The following GPATCH2 variants were observed in gnomAD, a reference collection of about 807,000 sequenced individuals.
GPATCH2 encodes G-patch domain containing 2.
Under a neutral mutation model 58.0 loss-of-function variants are expected in GPATCH2, and 51 were observed. The ratio of observed to expected loss-of-function variants is 0.88; its 90% CI spans 0.70 to 1.11. The LOEUF (loss-of-function observed/expected upper bound fraction) is 1.11, where lower values mean the gene tolerates loss of function less well. Ranked by LOEUF, GPATCH2 falls within the 50% of genes most tolerant of loss-of-function variation. The pLI is 0.00. For missense variants in GPATCH2, 625 were observed against 652.2 expected (o/e 0.96, Z 0.45); for synonymous variants, 222 against 218.5 (o/e 1.02, Z -0.14).
intron 6 of GPATCH2, among the ~76,000 whole-genome samples, chr1:217,506,700 T>A (rs1448039220): frequency 6.6e-6 from 1 of 152,204 alleles, no homozygotes; most frequent in Non-Finnish European, 1.5e-5. Context: ...CTACCAGACT[T>A]GGCATCATGT....
intron 3 of GPATCH2, among the ~76,000 whole-genome samples, chr1:217,612,017 A>G (rs564803749): frequency 6.6e-5 from 10 of 151,506 alleles, no homozygotes; most frequent in African/African-American, 2.2e-4. Context: ...CTGTCTCTAC[A>G]AAAAGATTAA....
At chr1:217,493,588 T>C (rs530271503) in intron 7 of GPATCH2, among the ~76,000 whole-genome samples, 1 of 152,288 alleles carries the variant, frequency 6.6e-6, no homozygotes, top group African/African-American at 2.4e-5. Context: ...GCTGAAGCCA[T>C]ATCTCATTAT....
At chr1:217,575,245 CT>C (rs1666751677) in intron 5 of GPATCH2, among the ~76,000 whole-genome samples, 1 of 152,086 alleles carries the variant, frequency 6.6e-6, no homozygotes, top group African/African-American at 2.4e-5. Flanking sequence ...CAAAGTATTG[CT>C]TTATTTTGTT....
At chr1:217,609,208 C>T (rs1352286333) in intron 5 of GPATCH2, 41 of 982,594 alleles carry the variant, frequency 4.2e-5, no homozygotes, top group Non-Finnish European at 5.0e-5. Context: ...ATTACATTTT[C>T]CCCCCAGTTG....
At chr1:217,523,224 G>C (rs1360165027) in intron 5 of GPATCH2, among the ~76,000 whole-genome samples, 2 of 151,398 alleles carry the variant, frequency 1.3e-5, no homozygotes, top group African/African-American at 4.9e-5. Flanking sequence ...CTCCCAGAGG[G>C]GGATTTGGCA....
At position 217,620,132 on chromosome 1, in the gene GPATCH2, G is replaced by C; in HGVS notation, c.424C>G (p.Leu142Val). The C allele has an allele frequency of 1.9e-6, 3 of 1,614,076 alleles. No individual in the cohort carries two copies. The highest frequency in any genetic ancestry group is 2.5e-6 in the Non-Finnish European group (3 of 1,179,972). ...LNNNVRGKRPLWHESDFAVDN... is the reference protein window; with the variant it reads ...LNNNVRGKRPVWHESDFAVDN... ...ACAGCAAAATCAGACTCATGCCATA[G>C]AGGTCTTTTCCCTCGAACATTATTA... The change falls in exon 2 of 10, where the codon CTA (leucine) becomes GTA (valine). Residue 142 changes from leucine (L) to valine (V), a missense_variant. Transcript: ENST00000366935.
chr1:217,572,888 A>G (rs1186214314), intron 5 of GPATCH2, among the ~76,000 whole-genome samples: 1 of 152,232 alleles, frequency 6.6e-6, no homozygotes, highest in Non-Finnish European at 1.5e-5. Flanking sequence ...GTGAAAATAT[A>G]AGAAGAAATC....
chr1:217,529,575 G>A (rs75245744), intron 5 of GPATCH2, among the ~76,000 whole-genome samples: 4,003 of 152,192 alleles, frequency 0.026, 78 homozygotes, highest in East Asian at 0.076. Flanking sequence ...AGACAGTGCG[G>A]TACCCTTGAA....
At chr1:217,454,554 A>T (rs1444119295) in intron 8 of GPATCH2, among the ~76,000 whole-genome samples, 1 of 125,030 alleles carries the variant, frequency 8.0e-6, no homozygotes, top group Non-Finnish European at 1.6e-5. Flanking sequence ...GCGCCACTGC[A>T]CTCCAGCCTG....
chr1:217,432,777 A>G (rs1571689643), intron 9 of GPATCH2, among the ~76,000 whole-genome samples: 1 of 152,220 alleles, frequency 6.6e-6, no homozygotes, highest in East Asian at 1.9e-4. Flanking sequence ...AGTCTATCTT[A>G]AAAGAACCTT....
intron 5 of GPATCH2, among the ~76,000 whole-genome samples, chr1:217,561,147 T>C (rs916978927): frequency 6.6e-6 from 1 of 152,208 alleles, no homozygotes; most frequent in Non-Finnish European, 1.5e-5. Context: ...TATTTACACC[T>C]TCCTGAAATG....
intron 5 of GPATCH2, among the ~76,000 whole-genome samples, chr1:217,586,340 C>T (rs1197226142): frequency 6.6e-6 from 1 of 151,966 alleles, no homozygotes; most frequent in East Asian, 1.9e-4. Context: ...TATTCTTGTT[C>T]TATAAGCTTT....
chr1:217,585,968 A>G (rs991720219), intron 5 of GPATCH2, among the ~76,000 whole-genome samples: 1 of 152,200 alleles, frequency 6.6e-6, no homozygotes, highest in Admixed American at 6.5e-5. Context: ...ACCTAGACAT[A>G]TCTAAATACA....
At chr1:217,494,000 C>G (rs940888963) in intron 7 of GPATCH2, among the ~76,000 whole-genome samples, 1 of 151,896 alleles carries the variant, frequency 6.6e-6, no homozygotes, top group Non-Finnish European at 1.5e-5. Flanking sequence ...TTGAAAAATG[C>G]AATTATAAGG....
chr1:217,452,386 C>T (rs1404286039), intron 8 of GPATCH2, among the ~76,000 whole-genome samples: 1 of 152,064 alleles, frequency 6.6e-6, no homozygotes, highest in South Asian at 2.1e-4. Context: ...AATTATTAGC[C>T]AGGGCACGTT....
At chr1:217,518,559 C>G (rs1340851695) in intron 5 of GPATCH2, among the ~76,000 whole-genome samples, 1 of 152,146 alleles carries the variant, frequency 6.6e-6, no homozygotes, top group Non-Finnish European at 1.5e-5. Flanking sequence ...TCCACAATTA[C>G]ATAACTGAAT....
chr1:217,503,552 A>C (rs1186704427), intron 6 of GPATCH2, among the ~76,000 whole-genome samples: 3 of 152,256 alleles, frequency 2.0e-5, no homozygotes, highest in Non-Finnish European at 4.4e-5. Context: ...TCTAAGAAAA[A>C]GGGGAGTGAA....
intron 8 of GPATCH2, among the ~76,000 whole-genome samples, chr1:217,459,635 A>G (rs1349857998): frequency 6.6e-6 from 1 of 152,086 alleles, no homozygotes; most frequent in East Asian, 1.9e-4. Context: ...AAAATAGACT[A>G]CAGATTCAGA....
In GPATCH2 at chr1:217,614,126, A is replaced by T; in HGVS notation, c.835+15T>A. Reference sequence around the variant, plus strand: ...GAAGTTTTTCCAAAGAGAGAAAAAAATATCATTTCAGTACCTTGTCTTCCC... The same window carrying T: ...GAAGTTTTTCCAAAGAGAGAAAAAATTATCATTTCAGTACCTTGTCTTCCC... On this transcript the variant is annotated intron_variant, in intron 3 of 9. Transcript: ENST00000366935. 6.8e-7 allele frequency: 1 copy of T among 1,467,712 alleles called. No homozygotes were observed. Among genetic ancestry groups the T allele is most frequent in the Non-Finnish European group, 9.5e-7 (1 of 1,047,540 alleles). The allele number at this position is 1,467,712 out of a possible 1,614,324, so 90.9% of individuals were successfully genotyped here. A position where few individuals can be genotyped will look rare whatever the true frequency, so the allele number is the denominator to read the frequency against.
Sources: gnomAD v4.1 joint callset for allele counts (sites outside exome capture counted in the v4.1 genomes callset) on GRCh38, gnomAD v4.1.1 for gene constraint, MANE v1.5 for transcripts, NCBI Gene and HGNC (gene_info 2026-07-23, HGNC 2026-07-21) for gene names.